DNAH10: variants seen among roughly 807,000 people sequenced by gnomAD.
DNAH10 encodes the protein axonemal beta dynein heavy chain 10.
In DNAH10, 348 loss-of-function variants were observed where a neutral mutation model predicts 506.6. The observed-to-expected ratio is 0.69, with a 90% CI of 0.63 to 0.75. The LOEUF is 0.75. DNAH10 is among the 30% of genes least tolerant of loss of function. DNAH10 has a pLI of 0.00. For synonymous variants in DNAH10, 2,059 were observed against 2,198.6 expected (o/e 0.94, Z 1.78); for missense variants, 5,179 against 5,787.1 (o/e 0.89, Z 3.41).
intron 45 of DNAH10, 64 bp downstream of exon 45, chr12:123,871,666 T>C: frequency 6.6e-7 from 1 of 1,504,608 alleles, no homozygotes. Context: ...GCATAGCAGC[T>C]TCATACCACA....
At position 123,914,566 on chromosome 12, in the gene DNAH10, A is replaced by G; in HGVS notation, c.10574+16A>G. ...AGATCAGCAGGTGTGTGGCACCCTG[A>G]GCCAGCAGGAGGGAGGGGACACCTT... On this transcript the variant is annotated intron_variant, in intron 61 of 78. Transcript: ENST00000673944. The G allele has an allele frequency of 6.2e-7, 1 of 1,608,350 alleles. No homozygotes were observed. The highest frequency in any genetic ancestry group is 8.5e-7 in the Non-Finnish European group (1 of 1,177,324).
chr12:123,815,639 G>A (rs1265765238), intron 21 of DNAH10, among the ~76,000 whole-genome samples: 4 of 152,146 alleles, frequency 2.6e-5, no homozygotes, highest in Non-Finnish European at 4.4e-5. Context: ...GGTAATTGCT[G>A]TGTGGTTTAT....
intron 47 of DNAH10, among the ~76,000 whole-genome samples, chr12:123,877,300 C>T (rs575885801): frequency 6.6e-6 from 1 of 152,168 alleles, no homozygotes; most frequent in Non-Finnish European, 1.5e-5. Context: ...TCTGTCAGTG[C>T]TTCATTCCTG....
rs974996725 is a variant in DNAH10 at position 123,909,619 on chromosome 12, C to T, written c.9997+177C>T. On this transcript the variant is annotated intron_variant, in intron 58 of 78. Transcript: ENST00000673944. This position sits in a 1 kb window ranked among gnomAD's most constrained non-coding sequence, Gnocchi z 5.4. ...CCAGAGGAAAACAGCAGCCCCATGA[C>T]GTGACCCAGGGAGAGTGGCTGGGGA... 2.6e-5 allele frequency among the ~76,000 whole-genome samples: 4 copies of T among 152,208 alleles called. No individual in the cohort carries two copies. The highest frequency in any genetic ancestry group is 6.5e-5 in the Admixed American group (1 of 15,288).
At position 123,850,861 on chromosome 12, in the gene DNAH10, C is replaced by CT. The variant is rs754419055; in HGVS notation, c.6103-24dup. ...GGCCGGCCGGGCCACCTAACTGCTT[C>CT]TTTCTTTCTTCCTTCTTGCCCTCCA... On this transcript the variant is annotated intron_variant, in intron 34 of 78. Coordinates refer to ENST00000673944, the MANE Select transcript of DNAH10 (RefSeq NM_001372106.1). The surrounding 1 kb of genome is among the most constrained non-coding windows in gnomAD (Gnocchi z 5.5). 6 of 1,591,032 alleles carry CT rather than the reference C, an allele frequency of 3.8e-6. No homozygotes were observed. Among genetic ancestry groups the CT allele is most frequent in the Non-Finnish European group, 4.3e-6 (5 of 1,166,348 alleles).
chr12:123,924,912 G>T, intron 67 of DNAH10, 138 bp from the exon 68 acceptor site: 1 of 1,128,286 alleles, frequency 8.9e-7, no homozygotes. Context: ...GAGAATGACA[G>T]ATCTGACCAG....
At chr12:123,814,986 TAACA>T (rs1959095079) in intron 21 of DNAH10, among the ~76,000 whole-genome samples, 1 of 152,170 alleles carries the variant, frequency 6.6e-6, no homozygotes, top group Non-Finnish European at 1.5e-5. Context: ...AGAATCACTG[TAACA>T]AAGGATTTTG....
rs770603484 is a variant in DNAH10 at position 123,781,311 on chromosome 12, T to C, written c.841+12T>C. 1 of 1,601,292 alleles carries C rather than the reference T, an allele frequency of 6.2e-7. No individual in the cohort carries two copies. Among genetic ancestry groups the C allele is most frequent in the Admixed American group, 1.7e-5 (1 of 58,780 alleles). ...GCAGCAACTTGAAGGTAAGGTTTCATTTTCCTCCTTTTTAGTTAAGAATGA... is the reference window on the plus strand; with the variant it reads ...GCAGCAACTTGAAGGTAAGGTTTCACTTTCCTCCTTTTTAGTTAAGAATGA... On this transcript the variant is annotated intron_variant, in intron 6 of 78. Transcript: ENST00000673944.
intron 11 of DNAH10, among the ~76,000 whole-genome samples, 194 bp downstream of exon 11, chr12:123,790,315 C>T (rs1958031717): frequency 6.6e-6 from 1 of 152,122 alleles, no homozygotes. Context: ...CTTCTTTGTC[C>T]TCACACCCAT....
chr12:123,813,859 A>G lies in DNAH10; in HGVS notation c.3727A>G (p.Arg1243Gly), dbSNP rs1959041504. The stretch of plus-strand genomic sequence containing the variant: ...AAGTAAATCTCTAGTCATGGAACTC[A>G]GATATAGGGACGTCCAGGAGCGATA... ...IRSKSLVMEL[R>G]YRDVQERYRT... is the part of the protein sequence containing the mutation. Residue 1243 changes from arginine to glycine, a missense_variant, in exon 21 of 79, where the codon AGA (arginine) becomes GGA (glycine). Physicochemically the swap from Arg to Gly is moderately radical, Grantham distance 125 (BLOSUM62 -2). Around this residue, in one of 3 missense-constraint regions of DNAH10, gnomAD observed 4,844 missense variants for 5,430.5 expected, o/e 0.89. Coordinates refer to ENST00000673944, the MANE Select transcript of DNAH10 (RefSeq NM_001372106.1). 1 of 1,612,448 alleles carries G rather than the reference A, an allele frequency of 6.2e-7. No individual in the cohort carries two copies. The highest frequency in any genetic ancestry group is 1.7e-5 in the Admixed American group (1 of 59,516).
intron 77 of DNAH10, 31 bp from the exon 78 acceptor site, chr12:123,934,590 G>A: frequency 2.5e-6 from 4 of 1,611,388 alleles, no homozygotes; most frequent in Non-Finnish European, 3.4e-6. Context: ...GCATGCTCCA[G>A]TTGTATCCAG....
In DNAH10 at chr12:123,767,600, A is replaced by G. The variant is rs1297051006; in HGVS notation, c.215-6A>G. The G allele has an allele frequency of 1.9e-6, 3 of 1,610,998 alleles. No individual in the cohort carries two copies. Among genetic ancestry groups the G allele is most frequent in the African/African-American group, 2.7e-5 (2 of 74,996 alleles). On this transcript the variant is annotated splice_region_variant and splice_polypyrimidine_tract_variant and intron_variant, in intron 1 of 78. Transcript: ENST00000673944. ...ATATTTTCTTCCCATTTATGTGGCC[A>G]TAAAGATGAGATACCTGTCCTGTCT...
At chr12:123,798,026 A>G (rs1276202062) in intron 13 of DNAH10, among the ~76,000 whole-genome samples, 1 of 152,212 alleles carries the variant, frequency 6.6e-6, no homozygotes, top group African/African-American at 2.4e-5. Context: ...TGGATGCTGA[A>G]TTTGAATTTC....
intron 12 of DNAH10, among the ~76,000 whole-genome samples, chr12:123,794,572 A>C (rs545538915): frequency 1.1e-4 from 17 of 152,318 alleles, no homozygotes; most frequent in African/African-American, 4.1e-4. Flanking sequence ...TCTGCTGGGC[A>C]CAGTGACTCA....
chr12:123,845,701 G>C lies in DNAH10; in HGVS notation c.5462G>C (p.Gly1821Ala). Reference protein sequence around the residue: ...VEDVFHKAQKGEKQAMKNYGR... With the variant: ...VEDVFHKAQKAEKQAMKNYGR... ...GACGTCTTCCACAAAGCGCAAAAAGGGGAGAAGCAGGCCATGAAGAACTAT... is the reference window on the plus strand; with the variant it reads ...GACGTCTTCCACAAAGCGCAAAAAGCGGAGAAGCAGGCCATGAAGAACTAT... Residue 1821 changes from glycine (G) to alanine (A), a missense_variant, in exon 31 of 79, where the codon GGG becomes GCG. By Grantham distance (60) the Gly-to-Ala change is moderately conservative. This residue lies in a region of DNAH10 where 4,844 missense variants were observed against 5,430.5 expected (regional missense o/e 0.89). Coordinates refer to ENST00000673944, the MANE Select transcript of DNAH10 (RefSeq NM_001372106.1). 6.2e-7 allele frequency: 1 copy of C among 1,613,930 alleles called. No individual in the cohort carries two copies. Among genetic ancestry groups the C allele is most frequent in the Non-Finnish European group, 8.5e-7 (1 of 1,179,902 alleles).
chr12:123,803,239 AT>A (rs1958538364), intron 16 of DNAH10, among the ~76,000 whole-genome samples: 1 of 152,096 alleles, frequency 6.6e-6, no homozygotes, highest in African/African-American at 2.4e-5. Flanking sequence ...TTTTATTTTC[AT>A]AAAGTGAGAC....
chr12:123,914,233 C>T, intron 60 of DNAH10, 96 bp from the exon 61 acceptor site: 1 of 1,129,548 alleles, frequency 8.9e-7, no homozygotes, highest in Non-Finnish European at 1.3e-6. Context: ...CTGGCTAGCC[C>T]TGTTAGCAAG....
At chr12:123,786,483 C>T (rs1054858479) in intron 9 of DNAH10, among the ~76,000 whole-genome samples, 1 of 151,770 alleles carries the variant, frequency 6.6e-6, no homozygotes, top group Non-Finnish European at 1.5e-5. Context: ...GTCCTGGGAA[C>T]CATACAGCGT....
Position 123,909,130 on chromosome 12 carries a change from T to G in DNAH10, c.9816-131T>G, listed in dbSNP as rs1404277981. 6 of 1,258,566 alleles carry G rather than the reference T, an allele frequency of 4.8e-6. No homozygotes were observed. The highest frequency in any genetic ancestry group is 6.6e-6 in the Non-Finnish European group (6 of 909,388). The allele number at this position is 1,258,566 out of a possible 1,614,324, so 78.0% of individuals were successfully genotyped here. On this transcript the variant is annotated intron_variant, in intron 57 of 78. Coordinates refer to ENST00000673944, the MANE Select transcript of DNAH10 (RefSeq NM_001372106.1). This position sits in a 1 kb window ranked among gnomAD's most constrained non-coding sequence, Gnocchi z 5.4. ...GTGCGGTTTGTGTTGGGACCTGGCT[T>G]CTTTCGTTTGCTTGCAGCAGTAGCT...
Sources: allele counts gnomAD v4.1 joint callset (sites outside exome capture counted in the v4.1 genomes callset), GRCh38; gene constraint gnomAD v4.1.1; regional missense constraint gnomAD v4.1.1; non-coding constraint Gnocchi (gnomAD v3.1); transcripts MANE v1.5; gene names NCBI Gene and HGNC (gene_info 2026-07-23, HGNC 2026-07-21).